SLC35G2: variants seen among roughly 807,000 people sequenced by gnomAD.
The protein encoded by SLC35G2 is solute carrier family 35 member G2.
Under a neutral mutation model 27.2 loss-of-function variants are expected in SLC35G2, and 20 were observed. The ratio of observed to expected loss-of-function variants is 0.74; its 90% confidence interval spans 0.52 to 1.07. SLC35G2 has a LOEUF of 1.07. Among genes scored for constraint, SLC35G2 ranks in the 50% least tolerant of loss-of-function variants. The pLI is 0.00. For missense variants in SLC35G2, 416 were observed against 493.3 expected (o/e 0.84, Z 1.48); for synonymous variants, 148 against 165.3 (o/e 0.90, Z 0.80).
chr3:136,821,456 A>AT (rs889019037), intron 1 of SLC35G2, among the ~76,000 whole-genome samples: 7 of 151,570 alleles, frequency 4.6e-5, no homozygotes, highest in Admixed American at 1.3e-4. Flanking sequence ...CAAAAAAAAA[A>AT]TTTTTTTTTG....
intron 1 of SLC35G2, among the ~76,000 whole-genome samples, chr3:136,845,874 G>A (rs530266283): frequency 2.6e-5 from 4 of 151,152 alleles, no homozygotes; most frequent in South Asian, 2.1e-4. Flanking sequence ...GATGACGGGC[G>A]TGAGCCACCG....
At chr3:136,833,190 TGG>T (rs1936776681) in intron 1 of SLC35G2, among the ~76,000 whole-genome samples, 1 of 151,152 alleles carries the variant, frequency 6.6e-6, no homozygotes, top group Non-Finnish European at 1.5e-5. Context: ...AAACTTACAG[TGG>T]GAGAATTTAG....
intron 1 of SLC35G2, among the ~76,000 whole-genome samples, chr3:136,845,049 A>C (rs1176485195): frequency 6.6e-6 from 1 of 152,174 alleles, no homozygotes; most frequent in Non-Finnish European, 1.5e-5. Flanking sequence ...GATATTATGT[A>C]ATTTTTAATG....
chr3:136,820,355 G>A (rs904258614), intron 1 of SLC35G2: 5 of 152,230 alleles, frequency 3.3e-5, no homozygotes, highest in African/African-American at 1.2e-4. Flanking sequence ...CCTGGGCCGC[G>A]GCCTGCGTTG....
chr3:136,829,085 A>G (rs917019743), intron 1 of SLC35G2, among the ~76,000 whole-genome samples: 12 of 152,264 alleles, frequency 7.9e-5, no homozygotes, highest in Non-Finnish European at 1.2e-4. Context: ...TGTACTGTCT[A>G]CGTCTTGAAA....
rs372271472 is a variant in SLC35G2 at position 136,855,390 on chromosome 3, C to A, written c.930C>A (p.Ile310=). 1.9e-6 allele frequency: 3 copies of A among 1,613,998 alleles called. No homozygotes were observed. Among genetic ancestry groups the A allele is most frequent in the Non-Finnish European group, 2.5e-6 (3 of 1,179,980 alleles). Residue 310 remains isoleucine, a synonymous_variant, in exon 2 of 2, where the codon ATC becomes ATA. Transcript: ENST00000446465. The part of the protein sequence containing the change: ...ISTMFILQEP[I]IPLDGETWSY... ...CTATGTTTATTCTTCAAGAACCCAT[C>A]ATCCCATTAGATGGAGAAACCTGGA...
At chr3:136,841,912 C>G (rs927387900) in intron 1 of SLC35G2, 42 of 152,054 alleles carry the variant, frequency 2.8e-4, no homozygotes, top group African/African-American at 8.9e-4. Flanking sequence ...AAAATTATAT[C>G]CTTTTTACTC....
chr3:136,825,341 A>G (rs1936559071), intron 1 of SLC35G2, among the ~76,000 whole-genome samples: 1 of 151,518 alleles, frequency 6.6e-6, no homozygotes, highest in South Asian at 2.1e-4. Context: ...CCCAGGTTCA[A>G]GCAATTCTCA....
rs1239367172 is a variant in SLC35G2 at position 136,855,557 on chromosome 3, T to C, written c.1097T>C (p.Leu366Pro). The C allele has an allele frequency of 6.2e-7, 1 of 1,614,060 alleles. No homozygotes were observed. Among genetic ancestry groups the C allele is most frequent in the African/African-American group, 1.3e-5 (1 of 74,928 alleles). Residue 366 changes from leucine (L) to proline (P), a missense_variant, in exon 2 of 2, where the codon CTG (leucine) becomes CCG (proline). By Grantham distance (98) the Leu-to-Pro change is moderately conservative. Coordinates refer to ENST00000446465, the MANE Select transcript of SLC35G2 (RefSeq NM_025246.3). ...GCTATGGTCTTGCAGCTTCTCGTGC[T>C]GCACATATTTCCTAGCATCTATGAT... ...VVAMVLQLLV[L>P]HIFPSIYDVF...
intron 1 of SLC35G2, among the ~76,000 whole-genome samples, chr3:136,850,522 A>C (rs1937590006): frequency 6.6e-6 from 1 of 152,190 alleles, no homozygotes; most frequent in Non-Finnish European, 1.5e-5. Flanking sequence ...TAAAAAATGT[A>C]TAAGCCAAGC....
At chr3:136,823,799 T>C (rs984171858) in intron 1 of SLC35G2, among the ~76,000 whole-genome samples, 4 of 149,262 alleles carry the variant, frequency 2.7e-5, no homozygotes, top group African/African-American at 9.9e-5. Context: ...AGAGATGGGG[T>C]TTCAGCATGT....
chr3:136,833,330 CATT>C (rs1481974714), intron 1 of SLC35G2, among the ~76,000 whole-genome samples: 1 of 152,124 alleles, frequency 6.6e-6, no homozygotes, highest in Non-Finnish European at 1.5e-5. Context: ...GATTTTGACT[CATT>C]GTTAAAAAGT....
At chr3:136,843,979 AC>A (rs1489192689) in intron 1 of SLC35G2, among the ~76,000 whole-genome samples, 1 of 151,964 alleles carries the variant, frequency 6.6e-6, no homozygotes, top group Non-Finnish European at 1.5e-5. Context: ...TTTACTACTT[AC>A]CCTTTGCCCT....
intron 1 of SLC35G2, among the ~76,000 whole-genome samples, chr3:136,847,165 A>G (rs1937420428): frequency 6.6e-6 from 1 of 152,082 alleles, no homozygotes; most frequent in Non-Finnish European, 1.5e-5. Context: ...CGACAGAGTG[A>G]GACTGTCTAA....
At chr3:136,836,488 C>T (rs910664177) in intron 1 of SLC35G2, among the ~76,000 whole-genome samples, 2 of 152,172 alleles carry the variant, frequency 1.3e-5, no homozygotes, top group African/African-American at 2.4e-5. Flanking sequence ...AACCTCAGTG[C>T]TGTAATTACT....
At chr3:136,828,118 C>T (rs186600298) in intron 1 of SLC35G2, among the ~76,000 whole-genome samples, 94 of 152,316 alleles carry the variant, frequency 6.2e-4, no homozygotes, top group Non-Finnish European at 1.9e-4. Flanking sequence ...TGAGCCACCG[C>T]ACCCAACCTT....
chr3:136,827,140 G>C (rs1163409175), intron 1 of SLC35G2, among the ~76,000 whole-genome samples: 1 of 150,300 alleles, frequency 6.7e-6, no homozygotes, highest in African/African-American at 2.5e-5. Context: ...TTTTGTTTGA[G>C]TGACCTTATG....
chr3:136,829,679 C>T (rs1936674745), intron 1 of SLC35G2, among the ~76,000 whole-genome samples: 1 of 148,100 alleles, frequency 6.8e-6, no homozygotes, highest in South Asian at 2.2e-4. Flanking sequence ...GATATTTGCA[C>T]CAGCTATACT....
intron 1 of SLC35G2, among the ~76,000 whole-genome samples, chr3:136,841,197 G>A (rs1373240185): frequency 6.6e-6 from 1 of 152,024 alleles, no homozygotes; most frequent in Admixed American, 6.6e-5. Context: ...AGTGCAGTCA[G>A]TGGCTATGGA....
Sources: gnomAD v4.1 joint callset for allele counts (sites outside exome capture counted in the v4.1 genomes callset) on GRCh38, gnomAD v4.1.1 for gene constraint, MANE v1.5 for transcripts, NCBI Gene and HGNC (gene_info 2026-07-23, HGNC 2026-07-21) for gene names.